Variants in PDPK1 observed in about 807,000 individuals in gnomAD.
The protein encoded by PDPK1 is 3-phosphoinositide dependent protein kinase 1.
PDPK1 carries 7 observed loss-of-function variants against 39.8 expected under a neutral mutation model. The observed-to-expected ratio is 0.18, with a 90% CI of 0.10 to 0.33. The LOEUF is 0.33. PDPK1 is among the 10% of genes least tolerant of loss of function. The pLI is 1.00. For missense variants in PDPK1, 182 were observed against 384.7 expected (o/e 0.47, Z 4.41); for synonymous variants, 118 against 159.1 (o/e 0.74, Z 1.95).
intron 6 of PDPK1, among the ~76,000 whole-genome samples, chr16:2,573,871 T>C (rs1271701251): frequency 2.3e-5 from 1 of 43,754 alleles, no homozygotes; most frequent in Admixed American, 2.1e-4. Context: ...CTCGGCTCAC[T>C]GCAACCTCCG....
intron 1 of PDPK1, among the ~76,000 whole-genome samples, chr16:2,544,376 CAGT>C: frequency 6.6e-6 from 1 of 152,300 alleles, no homozygotes; most frequent in Admixed American, 6.5e-5. Context: ...AGTGGAGAAA[CAGT>C]GGTGAATAAG....
At chr16:2,588,277 GC>G (rs911047636) in intron 11 of PDPK1, among the ~76,000 whole-genome samples, 7 of 152,226 alleles carry the variant, frequency 4.6e-5, no homozygotes, top group African/African-American at 1.7e-4. Context: ...TGTGTACTGA[GC>G]AGGAGAGGAG....
intron 1 of PDPK1, among the ~76,000 whole-genome samples, chr16:2,552,408 A>G (rs1278434984): frequency 6.6e-6 from 1 of 151,672 alleles, no homozygotes; most frequent in Non-Finnish European, 1.5e-5. Context: ...CATGGGCTAC[A>G]TTTTTACAAG....
rs2142015619 is a variant in PDPK1, at chr16:2,599,710, C to T, written c.*1943C>T. On this transcript the variant is annotated 3_prime_UTR_variant, in exon 14 of 14. Coordinates refer to ENST00000342085, the MANE Select transcript of PDPK1 (RefSeq NM_002613.5). Reference sequence around the variant, plus strand: ...TCAGGAATTTCTGTTCAGGCTTCCTCCTCCTCATCAGCTATTTTACCCATC... The same window carrying T: ...TCAGGAATTTCTGTTCAGGCTTCCTTCTCCTCATCAGCTATTTTACCCATC... 2 of 233,548 alleles carry T rather than the reference C, an allele frequency of 8.6e-6. No homozygotes were observed. The highest frequency in any genetic ancestry group is 1.7e-5 in the Non-Finnish European group (2 of 118,228). 14.5% of individuals were successfully genotyped at this position (233,548 alleles called of 1,614,324 possible). A position where few individuals can be genotyped will look rare whatever the true frequency, so the allele number is the denominator to read the frequency against.
intron 11 of PDPK1, among the ~76,000 whole-genome samples, chr16:2,587,920 C>T (rs2066909958): frequency 6.6e-6 from 1 of 152,142 alleles, no homozygotes; most frequent in Non-Finnish European, 1.5e-5. Context: ...AGACGGGCTT[C>T]CCCCCTAATA....
At position 2,597,762 on chromosome 16, in the gene PDPK1, C is replaced by T; in HGVS notation, c.1666C>T (p.Gln556Ter). 6.2e-7 allele frequency: 1 copy of T among 1,607,994 alleles called. No homozygotes were observed. Among genetic ancestry groups the T allele is most frequent in the Non-Finnish European group, 8.5e-7 (1 of 1,175,798 alleles). ...RYQSHPDAAV[Q>*] is the part of the protein sequence containing the mutation. ...CCAGAGCCACCCGGACGCCGCTGTGCAGTGACGTGGCCTGCGGCCGGGCTG... is the reference window on the plus strand; with the variant it reads ...CCAGAGCCACCCGGACGCCGCTGTGTAGTGACGTGGCCTGCGGCCGGGCTG... Residue 556 changes from glutamine to a stop codon, truncating the protein, a stop_gained, in exon 14 of 14, where the codon CAG (glutamine) becomes TAG (stop). Coordinates refer to ENST00000342085, the MANE Select transcript of PDPK1 (RefSeq NM_002613.5). LOFTEE classifies it high-confidence loss of function. The surrounding 1 kb of genome is among the most constrained non-coding windows in gnomAD (Gnocchi z 6.3).
intron 6 of PDPK1, among the ~76,000 whole-genome samples, chr16:2,573,845 A>G (rs1385268812): frequency 2.0e-5 from 1 of 50,056 alleles, no homozygotes; most frequent in Non-Finnish European, 3.2e-5. Context: ...CCCAAGCTGG[A>G]GTGCGGTGGC....
At chr16:2,596,261 G>A (rs1008938986) in intron 12 of PDPK1, among the ~76,000 whole-genome samples, 19 of 152,070 alleles carry the variant, frequency 1.2e-4, no homozygotes, top group African/African-American at 4.1e-4. Flanking sequence ...GCGCGATCTC[G>A]GCTCACTGCA....
chr16:2,591,765 C>G (rs1438825967), intron 11 of PDPK1, among the ~76,000 whole-genome samples: 1 of 152,214 alleles, frequency 6.6e-6, no homozygotes, highest in African/African-American at 2.4e-5. Context: ...TCTCCTCATT[C>G]ATTATTTTTG....
chr16:2,600,905 C>T lies in PDPK1; in HGVS notation c.*3138C>T, dbSNP rs1175357403. 9.2e-6 allele frequency: 2 copies of T among 217,470 alleles called. No individual in the cohort carries two copies. The highest frequency in any genetic ancestry group is 5.0e-5 in the African/African-American group (2 of 39,696). 13.5% of individuals were successfully genotyped at this position (217,470 alleles called of 1,614,324 possible). A position where few individuals can be genotyped will look rare whatever the true frequency, so the allele number is the denominator to read the frequency against. On this transcript the variant is annotated 3_prime_UTR_variant, in exon 14 of 14. Coordinates refer to ENST00000342085, the MANE Select transcript of PDPK1 (RefSeq NM_002613.5). ...AACATCCGACACACACCGTTTGCAT[C>T]GTCTTCTCCCTTGATATTTTAAGCA...
intron 11 of PDPK1, chr16:2,592,728 T>A (rs2067014758): frequency 4.4e-6 from 2 of 452,340 alleles, no homozygotes; most frequent in Non-Finnish European, 8.9e-6. Context: ...AAGGAGCTGT[T>A]TCTGTCGTGA....
At position 2,547,102 on chromosome 16, in the gene PDPK1, C is replaced by T. The variant is rs573841103; in HGVS notation, c.24+8966C>T. Among the ~76,000 whole-genome samples the T allele has an allele frequency of 6.0e-5, 9 of 149,622 alleles. 1 individual carries two copies. The East Asian group carries it at 1.6e-3, about 26-fold the overall frequency. On this transcript the variant is annotated intron_variant, in intron 1 of 13. Transcript: ENST00000342085. ...AGAATGGAGCGCTGGCTTTGCTCAG[C>T]CCTGTTCTTGGGAAGGTTTGATCTG...
Position 2,593,175 on chromosome 16 carries a change from G to A in PDPK1, c.1344-2618G>A, listed in dbSNP as rs1343686244. The A allele has an allele frequency of 1.1e-5, 5 of 446,448 alleles. No individual in the cohort carries two copies. In the Admixed American group the frequency reaches 1.2e-4, roughly 11 times the overall value. The allele number at this position is 446,448 out of a possible 1,614,324, so 27.7% of individuals were successfully genotyped here. ...GCCTGTGGCATGCCCAGATGATCAG[G>A]GTGGAGCGGCCCAGCTCAATGTCTT... On this transcript the variant is annotated intron_variant, in intron 11 of 13. Transcript: ENST00000342085. The surrounding 1 kb of genome is among the most constrained non-coding windows in gnomAD (Gnocchi z 4.2).
At chr16:2,551,997 A>G (rs1212681806) in intron 1 of PDPK1, among the ~76,000 whole-genome samples, 15 of 150,872 alleles carry the variant, frequency 9.9e-5, no homozygotes, top group Non-Finnish European at 1.8e-4. Flanking sequence ...TTTCTTTAAA[A>G]AAAGATGGGG....
intron 1 of PDPK1, among the ~76,000 whole-genome samples, chr16:2,545,404 T>G (rs1254330014): frequency 6.6e-6 from 1 of 151,768 alleles, no homozygotes; most frequent in Non-Finnish European, 1.5e-5. Context: ...TGATCATAGC[T>G]CACTGCAGCC....
chr16:2,544,826 C>T (rs186675535), intron 1 of PDPK1, among the ~76,000 whole-genome samples: 67 of 152,112 alleles, frequency 4.4e-4, no homozygotes, highest in Non-Finnish European at 9.0e-4. Flanking sequence ...CCTCGTGATC[C>T]GCCCACCTCG....
intron 12 of PDPK1, among the ~76,000 whole-genome samples, chr16:2,596,869 G>A (rs2142009908): frequency 6.6e-6 from 1 of 152,140 alleles, no homozygotes; most frequent in East Asian, 1.9e-4. Flanking sequence ...GAGCAGAGGG[G>A]CCAGGGGAGC....
chr16:2,591,455 T>C (rs1425969506), intron 11 of PDPK1, among the ~76,000 whole-genome samples: 5 of 152,210 alleles, frequency 3.3e-5, no homozygotes, highest in Non-Finnish European at 7.3e-5. Flanking sequence ...AGATTTCACA[T>C]TGCAACCGAG....
intron 11 of PDPK1, among the ~76,000 whole-genome samples, chr16:2,594,932 T>C (rs985992937): frequency 2.0e-5 from 3 of 152,186 alleles, no homozygotes; most frequent in East Asian, 1.9e-4. Context: ...CCATCCTGGC[T>C]AACACGGTGA....
Sources: gnomAD v4.1 joint callset for allele counts (sites outside exome capture counted in the v4.1 genomes callset) on GRCh38, gnomAD v4.1.1 for gene constraint, Gnocchi (gnomAD v3.1) non-coding constraint, MANE v1.5 for transcripts, NCBI Gene and HGNC (gene_info 2026-07-23, HGNC 2026-07-21) for gene names.